Variants in KCNT1 observed in about 807,000 individuals in gnomAD.
KCNT1 encodes the protein potassium channel subfamily T member 1.
A neutral mutation model predicts 147.8 loss-of-function variants in KCNT1; 78 were observed. That is an observed-to-expected ratio of 0.53 (90% confidence interval 0.44 to 0.64). KCNT1 has a LOEUF of 0.64. Among genes scored for constraint, KCNT1 ranks in the 30% least tolerant of loss-of-function variants. The pLI is 0.00. For synonymous variants in KCNT1, 867 were observed against 748.8 expected, an observed-to-expected ratio of 1.16 and a Z score of -2.58; for missense variants, 1,419 against 1,750.3, an observed-to-expected ratio of 0.81 and a Z score of 3.38.
At chr9:135,711,557 A>G (rs980507757) in intron 1 of KCNT1, among the ~76,000 whole-genome samples, 1 of 152,232 alleles carries the variant, frequency 6.6e-6, no homozygotes, top group Admixed American at 6.5e-5. Context: ...GCTGGCTCTC[A>G]GTCCATGGCA....
intron 2 of KCNT1, among the ~76,000 whole-genome samples, chr9:135,739,101 T>A (rs1158914589): frequency 6.6e-6 from 1 of 151,788 alleles, no homozygotes; most frequent in Non-Finnish European, 1.5e-5. Context: ...CCTCCCCACA[T>A]CCTCTCCGGG....
chr9:135,732,032 A>AGAGAGAGAGAGG (rs1836501630), intron 2 of KCNT1, among the ~76,000 whole-genome samples: 2 of 133,258 alleles, frequency 1.5e-5, no homozygotes, highest in African/African-American at 2.7e-5. Context: ...AGAGAGAGAG[A>AGAGAGAGAGAGG]GAGAGAGAGG....
At chr9:135,784,669 G>C in intron 26 of KCNT1, 51 bp downstream of exon 26, 1 of 1,609,724 alleles carries the variant, frequency 6.2e-7, no homozygotes, top group Non-Finnish European at 8.5e-7. Context: ...CTGTCCAAGT[G>C]GGTGGATGGG....
At chr9:135,777,566 C>T in intron 21 of KCNT1, 56 bp downstream of exon 21, 1 of 1,535,824 alleles carries the variant, frequency 6.5e-7, no homozygotes, top group Non-Finnish European at 8.8e-7. Flanking sequence ...GACCTGCAGC[C>T]AGCAGCCTCC....
rs370564938 is a variant in KCNT1 at position 135,784,632 on chromosome 9, G to A, written c.3027+14G>A. ...TACCTCTGTGCCGTAAGTGCCCCTG[G>A]CTGCGCTGGGCTGGGGGCGTGCTGG... is the stretch of plus-strand genomic sequence containing the variant. On this transcript the variant is annotated intron_variant, in intron 26 of 30. Transcript: ENST00000371757. The A allele has an allele frequency of 9.9e-6, 16 of 1,611,544 alleles. No individual in the cohort carries two copies. The highest frequency in any genetic ancestry group is 1.4e-5 in the Non-Finnish European group (16 of 1,179,362).
intron 9 of KCNT1, 97 bp downstream of exon 9, chr9:135,757,478 G>T: frequency 9.0e-7 from 1 of 1,112,878 alleles, no homozygotes; most frequent in Admixed American, 1.9e-5. Flanking sequence ...GCCACGCCCC[G>T]GCCCTGGCAT....
chr9:135,711,914 T>C (rs1006173010), intron 1 of KCNT1, among the ~76,000 whole-genome samples: 1 of 152,246 alleles, frequency 6.6e-6, no homozygotes, highest in African/African-American at 2.4e-5. Flanking sequence ...GCATGCTGTC[T>C]GGTTACATCT....
intron 20 of KCNT1, among the ~76,000 whole-genome samples, 188 bp from the exon 21 acceptor site, chr9:135,777,150 T>C (rs1833227226): frequency 6.6e-6 from 1 of 152,218 alleles, no homozygotes; most frequent in Admixed American, 6.5e-5. Flanking sequence ...CGCCTGTGGG[T>C]ACAGCTGTGG....
intron 4 of KCNT1, among the ~76,000 whole-genome samples, chr9:135,751,830 G>A (rs1258272743): frequency 2.0e-5 from 3 of 152,176 alleles, no homozygotes; most frequent in African/African-American, 7.2e-5. Context: ...CTGGCACTCG[G>A]ATGCTGTGCT....
Position 135,792,889 on chromosome 9 carries a change from T to C in KCNT1, c.*728T>C, listed in dbSNP as rs954795672. On this transcript the variant is annotated 3_prime_UTR_variant, in exon 31 of 31. Coordinates refer to ENST00000371757, the MANE Select transcript of KCNT1 (RefSeq NM_020822.3). The stretch of plus-strand genomic sequence containing the variant: ...CATCTAGGGGGCATTGGGCGGAAGA[T>C]GGTGCATTTCCATGGACCATTTTAC... The C allele has an allele frequency of 6.6e-6, 1 of 152,198 alleles. No individual in the cohort carries two copies. Among genetic ancestry groups the C allele is most frequent in the African/African-American group, 2.4e-5 (1 of 41,446 alleles). The allele number at this position is 152,198 out of a possible 1,614,324, so 9.4% of individuals were successfully genotyped here.
chr9:135,788,196 C>T (rs757792150), intron 29 of KCNT1: 3 of 1,577,378 alleles, frequency 1.9e-6, no homozygotes, highest in Admixed American at 3.3e-5. Flanking sequence ...GACCACCGCA[C>T]AACGGGGCTC....
intron 18 of KCNT1, among the ~76,000 whole-genome samples, chr9:135,772,165 C>T (rs926894047): frequency 6.6e-6 from 1 of 152,200 alleles, no homozygotes. Flanking sequence ...CCTTCACCTG[C>T]GCAGTAGGCA....
chr9:135,705,603 C>T (rs1037965997), intron 1 of KCNT1, among the ~76,000 whole-genome samples: 13 of 152,192 alleles, frequency 8.5e-5, no homozygotes, highest in South Asian at 4.1e-4. Context: ...TGCCAAGGCC[C>T]GGTTAAATGG....
At chr9:135,760,085 G>T (rs1046367179) in intron 11 of KCNT1, among the ~76,000 whole-genome samples, 1 of 152,158 alleles carries the variant, frequency 6.6e-6, no homozygotes, top group Non-Finnish European at 1.5e-5. Flanking sequence ...CCGTGAGCTG[G>T]CCTCTTCCTT....
intron 1 of KCNT1, among the ~76,000 whole-genome samples, chr9:135,707,573 C>T (rs1452694741): frequency 6.6e-6 from 1 of 152,074 alleles, no homozygotes; most frequent in African/African-American, 2.4e-5. Flanking sequence ...GTCCTGGGCA[C>T]CCAGGGCCCA....
At chr9:135,732,661 C>T (rs756094181) in intron 2 of KCNT1, among the ~76,000 whole-genome samples, 8 of 152,160 alleles carry the variant, frequency 5.3e-5, no homozygotes, top group Non-Finnish European at 1.0e-4. Context: ...CAAGTTGACA[C>T]AGTGCCCAAA....
At chr9:135,718,406 C>T (rs926523081) in intron 2 of KCNT1, among the ~76,000 whole-genome samples, 1 of 152,160 alleles carries the variant, frequency 6.6e-6, no homozygotes, top group African/African-American at 2.4e-5. Flanking sequence ...TGAGAAAGCC[C>T]TTAGGTAGAG....
At position 135,760,076 on chromosome 9, in the gene KCNT1, C is replaced by T. The variant is rs550377346; in HGVS notation, c.1035+217C>T. 1.7e-3 allele frequency among the ~76,000 whole-genome samples: 266 copies of T among 152,220 alleles called. 5 individuals carry two copies. In the South Asian group the frequency reaches 0.041, roughly 24 times the overall value. ...AGCATGGTGGGTAATGATGGAGTCC[C>T]GTGAGCTGGCCTCTTCCTTCTGGGG... On this transcript the variant is annotated intron_variant, in intron 11 of 30. Coordinates refer to ENST00000371757, the MANE Select transcript of KCNT1 (RefSeq NM_020822.3).
chr9:135,775,705 C>T (rs981976169), intron 20 of KCNT1, among the ~76,000 whole-genome samples: 6 of 152,140 alleles, frequency 3.9e-5, no homozygotes, highest in East Asian at 1.9e-4. Context: ...TCCCCTAATA[C>T]ATCTACATGC....
Sources: gnomAD v4.1 joint callset for allele counts (sites outside exome capture counted in the v4.1 genomes callset) on GRCh38, gnomAD v4.1.1 for gene constraint, MANE v1.5 for transcripts, NCBI Gene and HGNC (gene_info 2026-07-23, HGNC 2026-07-21) for gene names.